CNTNAP2: variants seen among roughly 807,000 people sequenced by gnomAD.
CNTNAP2 encodes the protein contactin-associated protein-like 2.
Under a neutral mutation model 155.2 loss-of-function variants are expected in CNTNAP2, and 98 were observed. The observed-to-expected ratio is 0.63, with a 90% confidence interval of 0.54 to 0.75. The LOEUF (loss-of-function observed/expected upper bound fraction) is 0.75, where lower values mean the gene tolerates loss of function less well. CNTNAP2 is among the 30% of genes least tolerant of loss of function. CNTNAP2 has a pLI of 0.00. For synonymous variants in CNTNAP2, 651 were observed against 631.2 expected (o/e 1.03, Z -0.47); for missense variants, 1,727 against 1,688.1 (o/e 1.02, Z -0.40).
chr7:147,137,000 A>C (rs938396517), intron 8 of CNTNAP2, among the ~76,000 whole-genome samples: 1 of 151,928 alleles, frequency 6.6e-6, no homozygotes, highest in African/African-American at 2.4e-5. Context: ...TATGTTCTCT[A>C]ATTCAAGTTT....
intron 14 of CNTNAP2, among the ~76,000 whole-genome samples, chr7:147,920,805 C>CTTTT (rs1219556681): frequency 9.5e-4 from 96 of 100,652 alleles, no homozygotes; most frequent in African/African-American, 2.8e-3. Flanking sequence ...CTGCTCCTGT[C>CTTTT]TTTTTTTTTT....
chr7:148,138,025 T>A (rs1804994410), intron 16 of CNTNAP2, among the ~76,000 whole-genome samples: 1 of 152,220 alleles, frequency 6.6e-6, no homozygotes, highest in Non-Finnish European at 1.5e-5. Context: ...AAACAATTTG[T>A]GGCAAAACAG....
In CNTNAP2 at chr7:148,119,367, C is replaced by CAAAAA. The variant is rs10670510; in HGVS notation, c.2554+1088_2554+1092dup. Among the ~76,000 whole-genome samples the CAAAAA allele has an allele frequency of 8.9e-3, 1,308 of 146,210 alleles. 19 individuals carry two copies. Among genetic ancestry groups the CAAAAA allele is most frequent in the African/African-American group, 0.03 (1,207 of 39,758 alleles). On this transcript the variant is annotated intron_variant, in intron 16 of 23. Transcript: ENST00000361727. Reference sequence around the variant, plus strand: ...TGAAACCCCATCTCTACTAAAAATACAAAAAAAAAAAAATTAGCCAGGTGT... The same window carrying CAAAAA: ...TGAAACCCCATCTCTACTAAAAATACAAAAAAAAAAAAAAAAAATTAGCCAGGTGT...
At chr7:146,169,258 C>T (rs1042942268) in intron 1 of CNTNAP2, among the ~76,000 whole-genome samples, 1 of 152,098 alleles carries the variant, frequency 6.6e-6, no homozygotes, top group Admixed American at 6.6e-5. Context: ...AGAATGTAAG[C>T]CACATATTAG....
intron 1 of CNTNAP2, among the ~76,000 whole-genome samples, chr7:146,296,958 C>CTG (rs141424842): frequency 0.058 from 8,680 of 149,334 alleles, 470 homozygotes; most frequent in African/African-American, 0.14. Flanking sequence ...CAGGTATTAT[C>CTG]TGTGTGTGTG....
chr7:148,246,209 C>T (rs1398041189), intron 20 of CNTNAP2, among the ~76,000 whole-genome samples: 2 of 152,118 alleles, frequency 1.3e-5, no homozygotes, highest in Non-Finnish European at 2.9e-5. Context: ...TTATTGCTGC[C>T]AAAACCTACT....
In CNTNAP2 at chr7:147,884,553, T is replaced by C. The variant is rs191296392; in HGVS notation, c.2099-19012T>C. ...AAGAGCTTTGAAGAATTGCATTTAATACCAGCAGGTTAATCAAAAGGCTAA... is the reference window on the plus strand; with the variant it reads ...AAGAGCTTTGAAGAATTGCATTTAACACCAGCAGGTTAATCAAAAGGCTAA... On this transcript the variant is annotated intron_variant, in intron 13 of 23. Coordinates refer to ENST00000361727, the MANE Select transcript of CNTNAP2 (RefSeq NM_014141.6). Among the ~76,000 whole-genome samples, 297 of 152,094 alleles carry C rather than the reference T, an allele frequency of 2.0e-3. 3 individuals are homozygous for C. The South Asian group carries it at 0.029, about 15-fold the overall frequency.
intron 15 of CNTNAP2, among the ~76,000 whole-genome samples, chr7:148,114,683 A>G (rs1804427638): frequency 6.6e-6 from 1 of 152,204 alleles, no homozygotes; most frequent in Admixed American, 6.5e-5. Context: ...AGAAGCATCC[A>G]TGATTTATTA....
At chr7:147,231,703 T>C (rs1803685058) in intron 8 of CNTNAP2, among the ~76,000 whole-genome samples, 1 of 152,226 alleles carries the variant, frequency 6.6e-6, no homozygotes, top group Non-Finnish European at 1.5e-5. Flanking sequence ...CATCTCTTCA[T>C]ATACCTGTTG....
At chr7:147,994,518 T>C (rs748381994) in intron 15 of CNTNAP2, among the ~76,000 whole-genome samples, 27 of 152,180 alleles carry the variant, frequency 1.8e-4, no homozygotes, top group Admixed American at 5.2e-4. Context: ...TGGGAGATGA[T>C]TGAATCATGG....
chr7:147,338,367 G>T (rs1160596117), intron 9 of CNTNAP2, among the ~76,000 whole-genome samples: 3 of 151,932 alleles, frequency 2.0e-5, no homozygotes, highest in Admixed American at 6.6e-5. Flanking sequence ...AAAATTCACA[G>T]AATCAAATAA....
intron 13 of CNTNAP2, among the ~76,000 whole-genome samples, chr7:147,851,233 C>A (rs928572319): frequency 1.3e-5 from 2 of 152,120 alleles, no homozygotes; most frequent in African/African-American, 4.8e-5. Context: ...TACCATCTCA[C>A]ACCAGTTAGA....
Position 146,196,915 on chromosome 7 carries a change from A to G in CNTNAP2, c.97+79942A>G, listed in dbSNP as rs190500632. On this transcript the variant is annotated intron_variant, in intron 1 of 23. Coordinates refer to ENST00000361727, the MANE Select transcript of CNTNAP2 (RefSeq NM_014141.6). ...ATTTTATTTCCACTAATGACAGTTT[A>G]TCTTCAAGTTAGTGTGAAAGCTGCA... Among the ~76,000 whole-genome samples, 23 of 152,248 alleles carry G rather than the reference A, an allele frequency of 1.5e-4. No homozygotes were observed. The East Asian group carries it at 4.2e-3, about 28-fold the overall frequency.
At chr7:146,801,515 A>G (rs897114693) in intron 2 of CNTNAP2, among the ~76,000 whole-genome samples, 7 of 152,222 alleles carry the variant, frequency 4.6e-5, no homozygotes, top group African/African-American at 1.7e-4. Context: ...CAGGCATAAA[A>G]AGTTTCTATT....
rs1375091118 is a variant in CNTNAP2 at position 148,128,367 on chromosome 7, T to C, written c.2554+10079T>C. ...CTATTCTCTCCCCAAAAATAAAATT[T>C]GAAGACCTGAATATTTAATAACAAC... On this transcript the variant is annotated intron_variant, in intron 16 of 23. Transcript: ENST00000361727. Among the ~76,000 whole-genome samples, 7 of 152,344 alleles carry C rather than the reference T, an allele frequency of 4.6e-5. No individual in the cohort carries two copies. In the South Asian group the frequency reaches 8.3e-4, roughly 18 times the overall value.
chr7:148,380,618 G>T (rs574663759), intron 21 of CNTNAP2, among the ~76,000 whole-genome samples: 25 of 134,536 alleles, frequency 1.9e-4, no homozygotes, highest in African/African-American at 6.3e-4. Flanking sequence ...TGAGACTGAT[G>T]CAAAATATTT....
intron 1 of CNTNAP2, among the ~76,000 whole-genome samples, chr7:146,313,438 C>T (rs1463291510): frequency 5.9e-5 from 9 of 152,108 alleles, no homozygotes; most frequent in South Asian, 2.1e-4. Flanking sequence ...CCTCATATGA[C>T]GTGGATATAA....
At chr7:148,100,767 T>G (rs1045706524) in intron 15 of CNTNAP2, among the ~76,000 whole-genome samples, 3 of 152,170 alleles carry the variant, frequency 2.0e-5, no homozygotes, top group African/African-American at 7.2e-5. Context: ...TATTTGAAAC[T>G]CTTTATAAAC....
chr7:147,117,956 G>T (rs1336828401), intron 5 of CNTNAP2, among the ~76,000 whole-genome samples: 2 of 151,968 alleles, frequency 1.3e-5, no homozygotes, highest in Non-Finnish European at 2.9e-5. Context: ...ACATTAAAAT[G>T]CATGCAAAAC....
Sources: gnomAD v4.1 joint callset for allele counts (sites outside exome capture counted in the v4.1 genomes callset) on GRCh38, gnomAD v4.1.1 for gene constraint, MANE v1.5 for transcripts, NCBI Gene and HGNC (gene_info 2026-07-23, HGNC 2026-07-21) for gene names.